ZMYND11: variants seen among roughly 807,000 people sequenced by gnomAD.
ZMYND11 encodes the protein zinc finger MYND domain-containing protein 11.
ZMYND11 carries 9 observed loss-of-function variants against 84.9 expected under a neutral mutation model. The observed-to-expected ratio is 0.11, with a 90% CI of 0.06 to 0.18. The LOEUF is 0.18. Among genes scored for constraint, ZMYND11 ranks in the 10% least tolerant of loss-of-function variants. The pLI, the probability that ZMYND11 is intolerant of heterozygous loss-of-function variation, is 1.00. For synonymous variants in ZMYND11, 250 were observed against 244.1 expected (o/e 1.02, Z -0.23); for missense variants, 409 against 761.0 (o/e 0.54, Z 5.44).
At chr10:150,495 TTC>T (rs1840064815) in intron 1 of ZMYND11, among the ~76,000 whole-genome samples, 1 of 152,208 alleles carries the variant, frequency 6.6e-6, no homozygotes, top group African/African-American at 2.4e-5. Flanking sequence ...TATTTGATTC[TTC>T]TCTTTTTTCT....
upstream of ZMYND11, among the ~76,000 whole-genome samples, chr10:133,487 C>T (rs765098983): frequency 2.6e-5 from 4 of 151,982 alleles, no homozygotes; most frequent in Admixed American, 6.5e-5. Flanking sequence ...ATGGTATCTG[C>T]GTATAAAATT....
chr10:131,357 C>T (rs1835309041), upstream of ZMYND11, among the ~76,000 whole-genome samples: 1 of 152,096 alleles, frequency 6.6e-6, no homozygotes, highest in East Asian at 1.9e-4. Context: ...TTTCAGAAGC[C>T]ACAGCTATGG....
intron 2 of ZMYND11, among the ~76,000 whole-genome samples, chr10:189,339 T>C (rs1446228623): frequency 6.6e-6 from 1 of 152,210 alleles, no homozygotes; most frequent in African/African-American, 2.4e-5. Context: ...TTTTGCTATG[T>C]CTCACTGTCA....
At chr10:199,069 A>T (rs537199135) in intron 2 of ZMYND11, among the ~76,000 whole-genome samples, 1 of 152,306 alleles carries the variant, frequency 6.6e-6, no homozygotes, top group East Asian at 1.9e-4. Context: ...TGAGATTGTC[A>T]AAAGCTCTGC....
chr10:209,235 C>T (rs574846773), intron 2 of ZMYND11, among the ~76,000 whole-genome samples: 1 of 151,954 alleles, frequency 6.6e-6, no homozygotes, highest in South Asian at 2.1e-4. Flanking sequence ...CTCAGTGATC[C>T]AGGGTGTGTC....
chr10:148,346 G>T (rs1839418411), intron 1 of ZMYND11: 1 of 143,396 alleles, frequency 7.0e-6, no homozygotes, highest in Admixed American at 7.0e-5. Context: ...TTTGCTCTGG[G>T]AAGAAGTCCT....
In ZMYND11 at chr10:243,693, G is replaced by A. The variant is rs940793353; in HGVS notation, c.950+1554G>A. 5.3e-5 allele frequency among the ~76,000 whole-genome samples: 8 copies of A among 152,220 alleles called. No individual in the cohort carries two copies. In the East Asian group the frequency reaches 7.7e-4, roughly 15 times the overall value. ...ATCCTGGATAACACAGTGAAACCCCGTCTCTACTAAAAATATGAAAAATTA... is the reference window on the plus strand; with the variant it reads ...ATCCTGGATAACACAGTGAAACCCCATCTCTACTAAAAATATGAAAAATTA... On this transcript the variant is annotated intron_variant, in intron 10 of 14. Transcript: ENST00000381604.
intron 3 of ZMYND11, among the ~76,000 whole-genome samples, chr10:211,238 A>T (rs774503705): frequency 2.6e-5 from 4 of 151,844 alleles, no homozygotes; most frequent in Non-Finnish European, 5.9e-5. Context: ...TCTTTTTCTT[A>T]AAAAGAAAAA....
intron 1 of ZMYND11, among the ~76,000 whole-genome samples, chr10:177,144 AAC>A (rs1554767134): frequency 2.0e-5 from 3 of 152,196 alleles, no homozygotes; most frequent in African/African-American, 7.2e-5. Flanking sequence ...CCTGGTGTGT[AAC>A]ACGCATATAT....
intron 2 of ZMYND11, among the ~76,000 whole-genome samples, chr10:191,851 C>T (rs920984094): frequency 1.3e-5 from 2 of 152,052 alleles, no homozygotes; most frequent in Non-Finnish European, 2.9e-5. Context: ...ATTGCTTGGC[C>T]ACCGTAAGTT....
chr10:184,698 C>T (rs1937673672), intron 2 of ZMYND11, among the ~76,000 whole-genome samples: 1 of 152,160 alleles, frequency 6.6e-6, no homozygotes, highest in Non-Finnish European at 1.5e-5. Flanking sequence ...GGGTGTCATT[C>T]TGCTGCGTGT....
chr10:133,041 C>A (rs1835356889), upstream of ZMYND11, among the ~76,000 whole-genome samples: 1 of 152,098 alleles, frequency 6.6e-6, no homozygotes, highest in Admixed American at 6.5e-5. Flanking sequence ...GTCCCCAGAC[C>A]CACACACACA....
chr10:241,948 GTTTAATAT>G (rs1267629800), intron 9 of ZMYND11, 65 bp from the exon 10 acceptor site: 1 of 1,535,466 alleles, frequency 6.5e-7, no homozygotes, highest in Non-Finnish European at 8.9e-7. Context: ...TATGTGACTA[GTTTAATAT>G]TAATGGTACA....
chr10:149,282 G>GTTATTA (rs1839698686), intron 1 of ZMYND11, among the ~76,000 whole-genome samples: 1 of 108,242 alleles, frequency 9.2e-6, no homozygotes, highest in Non-Finnish European at 1.9e-5. Flanking sequence ...CACTGAGGTG[G>GTTATTA]TTGTTATTAT....
intron 12 of ZMYND11, 74 bp downstream of exon 12, chr10:247,540 A>G (rs1252616598): frequency 1.8e-5 from 26 of 1,464,900 alleles, no homozygotes; most frequent in Non-Finnish European, 2.0e-5. Context: ...TGTATTTTCA[A>G]AGTATTTCAA....
intron 2 of ZMYND11, among the ~76,000 whole-genome samples, chr10:203,915 G>C (rs555524992): frequency 3.3e-4 from 50 of 152,174 alleles, no homozygotes; most frequent in African/African-American, 1.1e-3. Context: ...TAGAGCTTAT[G>C]TCATCTTAAC....
intron 1 of ZMYND11, among the ~76,000 whole-genome samples, chr10:168,918 C>G (rs1844641619): frequency 6.6e-6 from 1 of 152,068 alleles, no homozygotes; most frequent in African/African-American, 2.4e-5. Flanking sequence ...TTCAGAGGGA[C>G]CCAGTCACGG....
intron 3 of ZMYND11, chr10:218,431 AT>A: frequency 6.8e-6 from 2 of 292,760 alleles, no homozygotes; most frequent in Non-Finnish European, 7.1e-6. Flanking sequence ...CGAGACCAAG[AT>A]TATTTTGTTT....
intron 4 of ZMYND11, among the ~76,000 whole-genome samples, chr10:229,820 A>G: frequency 6.6e-6 from 1 of 152,172 alleles, no homozygotes; most frequent in Admixed American, 6.5e-5. Flanking sequence ...TAACTTCTCA[A>G]TTATTGGGAC....
Sources: allele counts gnomAD v4.1 joint callset (sites outside exome capture counted in the v4.1 genomes callset), GRCh38; gene constraint gnomAD v4.1.1; transcripts MANE v1.5; gene names NCBI Gene and HGNC (gene_info 2026-07-23, HGNC 2026-07-21).